DAPK1: variants seen among roughly 807,000 people sequenced by gnomAD.
The protein encoded by DAPK1 is death-associated protein kinase 1.
Under a neutral mutation model 144.9 loss-of-function variants are expected in DAPK1, and 56 were observed. That is an observed-to-expected ratio of 0.39 (90% CI 0.31 to 0.48). The LOEUF (loss-of-function observed/expected upper bound fraction) is 0.48. Ranked by LOEUF, DAPK1 falls within the 20% of genes least tolerant of loss-of-function variation. The pLI, the probability that DAPK1 is intolerant of heterozygous loss-of-function variation, is 0.95. For missense variants in DAPK1, 1,454 were observed against 1,875.4 expected (o/e 0.78, Z 4.15); for synonymous variants, 690 against 749.0 (o/e 0.92, Z 1.29).
chr9:87,627,659 T>C (rs1829536623), intron 3 of DAPK1, among the ~76,000 whole-genome samples: 1 of 152,172 alleles, frequency 6.6e-6, no homozygotes, highest in Admixed American at 6.5e-5. Flanking sequence ...TCCCCAGATT[T>C]TTGGCCCCAG....
At chr9:87,536,334 A>G (rs192427961) in intron 2 of DAPK1, among the ~76,000 whole-genome samples, 2 of 152,308 alleles carry the variant, frequency 1.3e-5, no homozygotes, top group African/African-American at 2.4e-5. Context: ...CCTATCTGCA[A>G]GTGAAGGTGT....
chr9:87,657,177 A>G (rs1587817888), intron 17 of DAPK1, among the ~76,000 whole-genome samples: 1 of 152,334 alleles, frequency 6.6e-6, no homozygotes, highest in East Asian at 1.9e-4. Context: ...AGTCCAAACA[A>G]CTTAGTAACC....
At chr9:87,582,849 A>C (rs182223280) in intron 2 of DAPK1, among the ~76,000 whole-genome samples, 1 of 151,994 alleles carries the variant, frequency 6.6e-6, no homozygotes. Context: ...CACCGCGCCC[A>C]GCCAGTTCTC....
intron 2 of DAPK1, among the ~76,000 whole-genome samples, chr9:87,533,860 G>A (rs536555528): frequency 2.6e-5 from 4 of 152,184 alleles, no homozygotes; most frequent in South Asian, 2.1e-4. Context: ...ACGGGGTTTC[G>A]CCATGTTGGC....
intron 3 of DAPK1, among the ~76,000 whole-genome samples, chr9:87,614,469 T>G (rs1829029122): frequency 6.6e-6 from 1 of 152,190 alleles, no homozygotes; most frequent in Admixed American, 6.5e-5. Flanking sequence ...CAGGTGACTA[T>G]TCTTAGACTC....
In DAPK1 at chr9:87,703,590, A is replaced by C. The variant is rs1825533509; in HGVS notation, c.3060+373A>C. Among the ~76,000 whole-genome samples, 3 of 152,168 alleles carry C rather than the reference A, an allele frequency of 2.0e-5. 1 individual carries two copies. The South Asian group carries it at 6.2e-4, about 32-fold the overall frequency. ...GGCTTCTTTGTATCAGCGTGGAGTC[A>C]TCAGCTCCACACAGATCTCCTGGGT... is the stretch of plus-strand genomic sequence containing the variant. On this transcript the variant is annotated intron_variant, in intron 25 of 25. Transcript: ENST00000408954.
chr9:87,561,249 G>A (rs576648289), intron 2 of DAPK1, among the ~76,000 whole-genome samples: 7 of 152,242 alleles, frequency 4.6e-5, no homozygotes, highest in South Asian at 2.1e-4. Context: ...ATATGTGGCC[G>A]GGCGTAGTGG....
chr9:87,664,053 C>T (rs376588521), intron 18 of DAPK1, among the ~76,000 whole-genome samples: 2 of 152,048 alleles, frequency 1.3e-5, no homozygotes, highest in African/African-American at 4.8e-5. Context: ...TGCACTGTAG[C>T]CTCCTGCCCC....
At chr9:87,667,860 T>G (rs1170896377) in intron 18 of DAPK1, 2 of 152,192 alleles carry the variant, frequency 1.3e-5, no homozygotes, top group African/African-American at 4.8e-5. Context: ...CTTCTGCCTC[T>G]CAGGGGTGAC....
intron 9 of DAPK1, 140 bp from the exon 10 acceptor site, chr9:87,641,829 A>G (rs1339243323): frequency 3.0e-6 from 2 of 656,180 alleles, no homozygotes; most frequent in African/African-American, 1.8e-5. Context: ...TAGGTATTCC[A>G]TGTTATCCCA....
At chr9:87,687,353 T>C (rs1217825226) in intron 21 of DAPK1, among the ~76,000 whole-genome samples, 2 of 152,206 alleles carry the variant, frequency 1.3e-5, no homozygotes, top group Non-Finnish European at 2.9e-5. Flanking sequence ...AAATCAACTT[T>C]TTTAGCTCCC....
At chr9:87,542,498 C>G (rs1172826596) in intron 2 of DAPK1, among the ~76,000 whole-genome samples, 1 of 152,176 alleles carries the variant, frequency 6.6e-6, no homozygotes, top group African/African-American at 2.4e-5. Context: ...CATTCCTTAC[C>G]TTACCAGAGC....
intron 19 of DAPK1, among the ~76,000 whole-genome samples, chr9:87,676,391 C>T (rs1455069383): frequency 3.3e-5 from 5 of 152,298 alleles, no homozygotes; most frequent in South Asian, 2.1e-4. Context: ...GAGGCCTCTG[C>T]GCCACAACCC....
chr9:87,707,133 C>T lies in DAPK1; in HGVS notation c.4062C>T (p.Leu1354=). The change falls in exon 26 of 26, where the codon CTC becomes CTT. Residue 1354 remains leucine (L), a synonymous_variant. Transcript: ENST00000408954. This position sits in a 1 kb window ranked among gnomAD's most constrained non-coding sequence, Gnocchi z 4.0. ...NTSNGAPKDF[L]PSPLHALLRE... is the part of the protein sequence containing the mutation. Reference sequence around the variant, plus strand: ...GTAACGGGGCTCCCAAGGATTTCCTCCCCAGCCCCCTCCACGCCCTGCTGC... The same window carrying T: ...GTAACGGGGCTCCCAAGGATTTCCTTCCCAGCCCCCTCCACGCCCTGCTGC... 3 of 1,613,702 alleles carry T rather than the reference C, an allele frequency of 1.9e-6. No individual in the cohort carries two copies. Among genetic ancestry groups the T allele is most frequent in the South Asian group, 2.2e-5 (2 of 91,050 alleles).
chr9:87,590,258 T>TA (rs1468216631), intron 2 of DAPK1, among the ~76,000 whole-genome samples: 7 of 151,180 alleles, frequency 4.6e-5, no homozygotes, highest in African/African-American at 1.2e-4. Flanking sequence ...CTCGAATTTT[T>TA]AAAAAAAATA....
intron 19 of DAPK1, among the ~76,000 whole-genome samples, chr9:87,677,407 G>A (rs757936978): frequency 1.3e-5 from 2 of 152,188 alleles, no homozygotes; most frequent in Non-Finnish European, 2.9e-5. Context: ...GAGTGGAAGG[G>A]CCTGTGGGAT....
In DAPK1 at chr9:87,681,607, C is replaced by G; in HGVS notation, c.2205C>G (p.Pro735=). Residue 735 remains proline, a synonymous_variant, in exon 20 of 26, where the codon CCC becomes CCG. Coordinates refer to ENST00000408954, the MANE Select transcript of DAPK1 (RefSeq NM_004938.4). ...ACTCCAGCAGGTTCCCACCTTCACC[C>G]CTGGCTTCTAAGCCCACAGGTAGGA... The part of the protein sequence containing the change: ...STNSSRFPPS[P]LASKPTVSVS... 1.3e-6 allele frequency: 2 copies of G among 1,597,904 alleles called. No individual in the cohort carries two copies. Among genetic ancestry groups the G allele is most frequent in the South Asian group, 2.2e-5 (2 of 90,764 alleles).
At chr9:87,578,669 A>G (rs890292742) in intron 2 of DAPK1, among the ~76,000 whole-genome samples, 2 of 152,202 alleles carry the variant, frequency 1.3e-5, no homozygotes, top group African/African-American at 4.8e-5. Context: ...TACAAAACCC[A>G]AACAAAACCA....
At position 87,615,404 on chromosome 9, in the gene DAPK1, AC is replaced by A. The variant is rs1165100185; in HGVS notation, c.284+10231del. Among the ~76,000 whole-genome samples, 3 of 152,332 alleles carry A rather than the reference AC, an allele frequency of 2.0e-5. No individual in the cohort carries two copies. The East Asian group carries it at 5.8e-4, about 29-fold the overall frequency. ...TTCCAGCCTCTGAATGAAGGCAGTG[AC>A]CGAGCATGGCTACTGTGAGATGCAA... On this transcript the variant is annotated intron_variant, in intron 3 of 25. Coordinates refer to ENST00000408954, the MANE Select transcript of DAPK1 (RefSeq NM_004938.4).
Sources: gnomAD v4.1 joint callset for allele counts (sites outside exome capture counted in the v4.1 genomes callset) on GRCh38, gnomAD v4.1.1 for gene constraint, Gnocchi (gnomAD v3.1) non-coding constraint, MANE v1.5 for transcripts, NCBI Gene and HGNC (gene_info 2026-07-23, HGNC 2026-07-21) for gene names.